Variants in PDE11A observed in about 807,000 individuals in gnomAD.
PDE11A encodes the protein phosphodiesterase 11A.
A neutral mutation model predicts 100.5 loss-of-function variants in PDE11A; 100 were observed. The ratio of observed to expected loss-of-function variants is 1.00; its 90% CI spans 0.85 to 1.18. The LOEUF is 1.18. Among genes scored for constraint, PDE11A ranks in the 50% most tolerant of loss-of-function variants. The pLI, the probability that PDE11A is intolerant of heterozygous loss-of-function variation, is 0.00. For synonymous variants in PDE11A, 381 were observed against 420.8 expected (o/e 0.91, Z 1.16); for missense variants, 1,141 against 1,152.6 (o/e 0.99, Z 0.15).
At chr2:178,029,886 A>G (rs1373748481) in intron 1 of PDE11A, among the ~76,000 whole-genome samples, 1 of 152,156 alleles carries the variant, frequency 6.6e-6, no homozygotes, top group Non-Finnish European at 1.5e-5. Context: ...TCATTATTGC[A>G]GAAGTGGGTC....
intron 17 of PDE11A, 28 bp from the exon 18 acceptor site, chr2:177,669,595 G>A (rs1559135419): frequency 1.9e-6 from 2 of 1,066,372 alleles, no homozygotes; most frequent in South Asian, 1.2e-5. Flanking sequence ...TTTAATCTGT[G>A]ATTATGTGTA....
chr2:177,697,291 G>A lies in PDE11A; in HGVS notation c.2345+41C>T, dbSNP rs550462750. The A allele has an allele frequency of 3.2e-6, 3 of 948,498 alleles. No homozygotes were observed. The South Asian group carries it at 3.9e-5, about 12-fold the overall frequency. The allele number at this position is 948,498 out of a possible 1,614,324, so 58.8% of individuals were successfully genotyped here. A position where few individuals can be genotyped will look rare whatever the true frequency, so the allele number is the denominator to read the frequency against. On this transcript the variant is annotated intron_variant, in intron 15 of 19. Transcript: ENST00000286063. ...TAGACCTGGAGATTAGTTACAGGAT[G>A]GAACTTCCATTTGTCAAACAGATCA...
intron 5 of PDE11A, among the ~76,000 whole-genome samples, chr2:177,854,717 T>C (rs970571169): frequency 6.6e-6 from 1 of 152,094 alleles, no homozygotes; most frequent in Non-Finnish European, 1.5e-5. Flanking sequence ...AGCTTCCTGG[T>C]AAATGAAGTG....
intron 5 of PDE11A, among the ~76,000 whole-genome samples, chr2:177,844,669 G>A (rs1324483153): frequency 2.0e-5 from 3 of 151,480 alleles, no homozygotes; most frequent in African/African-American, 7.2e-5. Context: ...GGTTTTCCTA[G>A]GCAGAGGACC....
At chr2:177,710,172 G>A (rs2081338791) in intron 13 of PDE11A, among the ~76,000 whole-genome samples, 1 of 152,080 alleles carries the variant, frequency 6.6e-6, no homozygotes, top group African/African-American at 2.4e-5. Context: ...AAGGGTCCAA[G>A]GCAGAGGTGG....
At chr2:178,048,972 C>G (rs907028925) in intron 1 of PDE11A, among the ~76,000 whole-genome samples, 2 of 152,092 alleles carry the variant, frequency 1.3e-5, no homozygotes, top group African/African-American at 4.8e-5. Context: ...GCCCTGTGAC[C>G]TCAGGAAGAG....
At chr2:177,770,491 C>A (rs138289013) in intron 9 of PDE11A, among the ~76,000 whole-genome samples, 2 of 152,348 alleles carry the variant, frequency 1.3e-5, no homozygotes, top group Non-Finnish European at 2.9e-5. Context: ...TATAGGGTGG[C>A]CTTTATGACA....
At chr2:177,669,647 T>G in intron 17 of PDE11A, 80 bp from the exon 18 acceptor site, 1 of 776,564 alleles carries the variant, frequency 1.3e-6, no homozygotes, top group South Asian at 1.3e-5. Flanking sequence ...CTTATGTATT[T>G]GGTGATCCTC....
At chr2:177,745,799 A>G (rs548425384) in intron 10 of PDE11A, among the ~76,000 whole-genome samples, 1 of 152,304 alleles carries the variant, frequency 6.6e-6, no homozygotes, top group South Asian at 2.1e-4. Flanking sequence ...TATCTTGCCC[A>G]CTACAGCTTG....
chr2:177,711,676 C>T, intron 13 of PDE11A, 93 bp downstream of exon 13: 1 of 786,522 alleles, frequency 1.3e-6, no homozygotes, highest in South Asian at 1.4e-5. Context: ...CCTCGGATGC[C>T]AGAAATTAAT....
At chr2:177,946,024 G>A (rs1381849919) in intron 2 of PDE11A, among the ~76,000 whole-genome samples, 3 of 146,390 alleles carry the variant, frequency 2.0e-5, no homozygotes, top group African/African-American at 5.1e-5. Context: ...CCCCCCACCC[G>A]GCCAGCCGCC....
intron 2 of PDE11A, among the ~76,000 whole-genome samples, chr2:178,084,382 A>C (rs558742814): frequency 2.6e-5 from 4 of 152,358 alleles, no homozygotes; most frequent in African/African-American, 9.6e-5. Flanking sequence ...TCAGTTATCT[A>C]ATTTCTTCAT....
intron 2 of PDE11A, among the ~76,000 whole-genome samples, chr2:177,949,961 G>A (rs1313609259): frequency 6.6e-6 from 1 of 152,086 alleles, no homozygotes; most frequent in East Asian, 1.9e-4. Context: ...TTCTGGAATA[G>A]CAGGAAAAAT....
intron 2 of PDE11A, chr2:177,997,844 G>A: frequency 7.3e-7 from 1 of 1,368,356 alleles, no homozygotes; most frequent in South Asian, 1.2e-5. Flanking sequence ...TTATCAAATA[G>A]TTTCCCTAAA....
At chr2:177,843,735 C>T (rs993794438) in intron 5 of PDE11A, among the ~76,000 whole-genome samples, 9 of 152,170 alleles carry the variant, frequency 5.9e-5, no homozygotes, top group South Asian at 2.1e-4. Context: ...AGGGAGTTTG[C>T]TACTTAACTG....
intron 2 of PDE11A, among the ~76,000 whole-genome samples, chr2:177,949,088 A>G (rs978778274): frequency 6.6e-5 from 10 of 152,156 alleles, no homozygotes; most frequent in African/African-American, 2.4e-4. Context: ...TGCTCATCCT[A>G]CACACACAGT....
rs2080832266 is a variant in PDE11A, at chr2:177,679,737, G to A, written c.2423+1089C>T. On this transcript the variant is annotated intron_variant, in intron 16 of 19. Transcript: ENST00000286063. ...GGATGACTTTTTGATTGGGGAGGCA[G>A]AAGTGTGTTTTTAGGTCTAGAAAGG... Among the ~76,000 whole-genome samples, 3 of 152,102 alleles carry A rather than the reference G, an allele frequency of 2.0e-5. 1 individual carries two copies.
chr2:178,103,633 A>C (rs79751081), intron 2 of PDE11A, among the ~76,000 whole-genome samples: 14,227 of 151,890 alleles, frequency 0.094, 712 homozygotes, highest in Middle Eastern at 0.13. Flanking sequence ...AAAAGTTTCA[A>C]ATAGAGTTAT....
chr2:177,815,982 G>A (rs531656917), intron 9 of PDE11A, among the ~76,000 whole-genome samples: 5 of 152,190 alleles, frequency 3.3e-5, no homozygotes, highest in East Asian at 3.9e-4. Flanking sequence ...AGGCCAAGGC[G>A]GGCAGATCAC....
Sources: gnomAD v4.1 joint callset for allele counts (sites outside exome capture counted in the v4.1 genomes callset) on GRCh38, gnomAD v4.1.1 for gene constraint, MANE v1.5 for transcripts, NCBI Gene and HGNC (gene_info 2026-07-23, HGNC 2026-07-21) for gene names.